TMC2: variants seen among roughly 807,000 people sequenced by gnomAD.
TMC2 encodes the protein transmembrane channel like 2, also known as transmembrane channel-like protein 2.
Under a neutral mutation model 105.9 loss-of-function variants are expected in TMC2, and 102 were observed. The observed-to-expected ratio is 0.96, with a 90% CI of 0.82 to 1.14. The LOEUF (loss-of-function observed/expected upper bound fraction) is 1.14, where lower values mean the gene tolerates loss of function less well. Ranked by LOEUF, TMC2 falls within the 50% of genes most tolerant of loss-of-function variation. TMC2 has a pLI of 0.00. For missense variants in TMC2, 1,093 were observed against 1,134.3 expected, an observed-to-expected ratio of 0.96 and a Z score of 0.52; for synonymous variants, 402 against 422.8, an observed-to-expected ratio of 0.95 and a Z score of 0.60.
rs993300686 is a variant in TMC2, at chr20:2,592,578, G to A, written c.933+170G>A. On this transcript the variant is annotated intron_variant, in intron 8 of 19. Transcript: ENST00000358864. The surrounding 1 kb of genome is among the most constrained non-coding windows in gnomAD (Gnocchi z 4.9). ...CCATGTCTCTGCACAGTCTTCCCGG[G>A]TCTCCTTCACGCACTGCTCTCTCCA... Among the ~76,000 whole-genome samples the A allele has an allele frequency of 6.6e-6, 1 of 152,142 alleles. No homozygotes were observed. Among genetic ancestry groups the A allele is most frequent in the Non-Finnish European group, 1.5e-5 (1 of 68,028 alleles).
rs555542917 is a variant in TMC2, at chr20:2,617,072, G to C, written c.1941G>C (p.Trp647Cys). 5 of 1,614,158 alleles carry C rather than the reference G, an allele frequency of 3.1e-6. No homozygotes were observed. Among genetic ancestry groups the C allele is most frequent in the Admixed American group, 3.3e-5 (2 of 60,026 alleles). ...AGGTGTTTGGTTTCTGCCATTCCAG[G>C]ATGGGCTCCTTCTATGCTCCAGGCC... ...LGLIFNQGMIWMGSFYAPGLV... is the reference protein window; with the variant it reads ...LGLIFNQGMICMGSFYAPGLV... The change falls in exon 16 of 20, where the codon TGG becomes TGC. Residue 647 changes from tryptophan to cysteine, a missense_variant and splice_region_variant. Coordinates refer to ENST00000358864, the MANE Select transcript of TMC2 (RefSeq NM_080751.3).
At chr20:2,581,988 G>A (rs1298317617) in intron 7 of TMC2, among the ~76,000 whole-genome samples, 1 of 152,126 alleles carries the variant, frequency 6.6e-6, no homozygotes, top group Non-Finnish European at 1.5e-5. Context: ...GAGAGAGAGA[G>A]AGATGCTTTG....
chr20:2,588,343 T>C (rs907103052), intron 7 of TMC2, among the ~76,000 whole-genome samples: 1 of 152,146 alleles, frequency 6.6e-6, no homozygotes, highest in Non-Finnish European at 1.5e-5. Context: ...GGAAGAGGAC[T>C]CCAGACCCCA....
intron 14 of TMC2, among the ~76,000 whole-genome samples, chr20:2,615,785 G>T (rs1049062584): frequency 2.0e-5 from 3 of 152,110 alleles, no homozygotes; most frequent in Non-Finnish European, 2.9e-5. Flanking sequence ...TAATTTCAGG[G>T]TATGTTTCTG....
At chr20:2,596,510 G>A (rs2086307698) in intron 9 of TMC2, among the ~76,000 whole-genome samples, 1 of 151,844 alleles carries the variant, frequency 6.6e-6, no homozygotes, top group Non-Finnish European at 1.5e-5. Flanking sequence ...GCAGGTGTTT[G>A]TAATCCCAGC....
In TMC2 at chr20:2,597,175, C is replaced by T; in HGVS notation, c.1101C>T (p.Ser367=). The change falls in exon 10 of 20, where the codon AGC becomes AGT. Residue 367 remains serine, a synonymous_variant. Coordinates refer to ENST00000358864, the MANE Select transcript of TMC2 (RefSeq NM_080751.3). ...GGATGGCCAGCAATACCCAAGGAAGCACAGGCGAAGGGGAGAGTGACAACT... is the reference window on the plus strand; with the variant it reads ...GGATGGCCAGCAATACCCAAGGAAGTACAGGCGAAGGGGAGAGTGACAACT... ...IRSMASNTQG[S]TGEGESDNFT... The T allele has an allele frequency of 4.3e-6, 7 of 1,614,090 alleles. No homozygotes were observed. Among genetic ancestry groups the T allele is most frequent in the Non-Finnish European group, 5.9e-6 (7 of 1,179,978 alleles).
chr20:2,619,526 G>C (rs974311918), intron 16 of TMC2, among the ~76,000 whole-genome samples: 3 of 152,196 alleles, frequency 2.0e-5, no homozygotes, highest in African/African-American at 7.2e-5. Context: ...AACACACTTT[G>C]AGAAATGCTG....
chr20:2,636,681 T>C (rs1568532921), intron 18 of TMC2, among the ~76,000 whole-genome samples: 2 of 152,210 alleles, frequency 1.3e-5, no homozygotes. Context: ...TGGAGTGCAG[T>C]GGCACGATCC....
intron 14 of TMC2, among the ~76,000 whole-genome samples, chr20:2,614,771 C>G (rs2086467729): frequency 6.6e-6 from 1 of 151,728 alleles, no homozygotes; most frequent in Admixed American, 6.6e-5. Context: ...TAAAGGGAGA[C>G]TTTCAAACAC....
At chr20:2,615,285 C>T (rs1267490340) in intron 14 of TMC2, among the ~76,000 whole-genome samples, 2 of 152,228 alleles carry the variant, frequency 1.3e-5, no homozygotes, top group Non-Finnish European at 2.9e-5. Flanking sequence ...TGTGCCACTG[C>T]ACTCCAGCCT....
chr20:2,628,583 TAGTG>T (rs71193981), intron 17 of TMC2, among the ~76,000 whole-genome samples: 13,068 of 152,102 alleles, frequency 0.086, 783 homozygotes, highest in East Asian at 0.3. Context: ...GTTCTTGTGA[TAGTG>T]AGTGAGTTCT....
chr20:2,539,988 TTC>T lies in TMC2; in HGVS notation c.82+2674_82+2675del, dbSNP rs1240663313. 3.5e-3 allele frequency among the ~76,000 whole-genome samples: 360 copies of T among 103,690 alleles called. 1 individual carries two copies. Among genetic ancestry groups the T allele is most frequent in the African/African-American group, 0.012 (351 of 28,806 alleles). 68.0% of individuals were successfully genotyped at this position (103,690 alleles called of 152,430 possible). On this transcript the variant is annotated intron_variant, in intron 2 of 19. Coordinates refer to ENST00000358864, the MANE Select transcript of TMC2 (RefSeq NM_080751.3). The stretch of plus-strand genomic sequence containing the variant: ...CACAAGACTATTCTTTTCTTTTCTT[TTC>T]TTTTTTTTTTTTTTTTTTGAGATGG...
At position 2,558,935 on chromosome 20, in the gene TMC2, C is replaced by G. The variant is rs553336535; in HGVS notation, c.401+161C>G. ...CCTCCCAGCCCTTACCACTGCCCCA[C>G]TCTGCGGTGGGTTCTTCATCCCAGA... On this transcript the variant is annotated intron_variant, in intron 3 of 19. Transcript: ENST00000358864. The surrounding 1 kb of genome is among the most constrained non-coding windows in gnomAD (Gnocchi z 4.6). Among the ~76,000 whole-genome samples the G allele has an allele frequency of 1.1e-4, 17 of 152,344 alleles. No homozygotes were observed. The East Asian group carries it at 2.9e-3, about 26-fold the overall frequency.
intron 2 of TMC2, among the ~76,000 whole-genome samples, chr20:2,556,331 A>T (rs1181927874): frequency 6.6e-6 from 1 of 152,092 alleles, no homozygotes; most frequent in African/African-American, 2.4e-5. Context: ...CACCCACCTC[A>T]GCCTCCCAAA....
At chr20:2,570,381 A>C (rs898945608) in intron 4 of TMC2, among the ~76,000 whole-genome samples, 1 of 152,134 alleles carries the variant, frequency 6.6e-6, no homozygotes, top group African/African-American at 2.4e-5. Flanking sequence ...AACCAAATCA[A>C]TAATACAATC....
rs202182339 is a variant in TMC2 at position 2,582,486 on chromosome 20, T to TAG, written c.834+2440_834+2441dup. The stretch of plus-strand genomic sequence containing the variant: ...TTTAAAAAAATTATTTATATATATA[T>TAG]AGAGAGAGAGACAGAGCCTCATTCT... On this transcript the variant is annotated intron_variant, in intron 7 of 19. Transcript: ENST00000358864. Among the ~76,000 whole-genome samples, 169 of 152,034 alleles carry TAG rather than the reference T, an allele frequency of 1.1e-3. 1 individual carries two copies. The highest frequency in any genetic ancestry group is 3.9e-3 in the African/African-American group (161 of 41,438).
At chr20:2,556,435 T>A (rs1419828308) in intron 2 of TMC2, among the ~76,000 whole-genome samples, 1 of 152,216 alleles carries the variant, frequency 6.6e-6, no homozygotes, top group East Asian at 1.9e-4. Flanking sequence ...AATCCAAGTT[T>A]CTGACCTATG....
intron 14 of TMC2, 175 bp downstream of exon 14, chr20:2,613,497 T>A: frequency 2.2e-6 from 2 of 896,764 alleles, no homozygotes; most frequent in Non-Finnish European, 3.4e-6. Context: ...CTATTTGCCT[T>A]CATAAGGGAA....
At chr20:2,624,543 A>T in intron 17 of TMC2, 147 bp downstream of exon 17, 1 of 996,816 alleles carries the variant, frequency 1.0e-6, no homozygotes, top group South Asian at 1.8e-5. Context: ...TAAGTATTTT[A>T]TTAGGGAGGG....
Sources: gnomAD v4.1 joint callset for allele counts (sites outside exome capture counted in the v4.1 genomes callset) on GRCh38, gnomAD v4.1.1 for gene constraint, Gnocchi (gnomAD v3.1) non-coding constraint, MANE v1.5 for transcripts, NCBI Gene and HGNC (gene_info 2026-07-23, HGNC 2026-07-21) for gene names.